Variants in HIVEP1 observed in about 807,000 individuals in gnomAD.
HIVEP1 encodes the protein zinc finger protein 40.
In HIVEP1, 36 loss-of-function variants were observed where a neutral mutation model predicts 180.0. That is an observed-to-expected ratio of 0.20 (90% CI 0.15 to 0.26). HIVEP1 has a LOEUF of 0.26. Among genes scored for constraint, HIVEP1 ranks in the 10% least tolerant of loss-of-function variants. The pLI, the probability that HIVEP1 is intolerant of heterozygous loss-of-function variation, is 1.00. For missense variants in HIVEP1, 3,143 were observed against 3,268.7 expected (o/e 0.96, Z 0.94); for synonymous variants, 1,239 against 1,239.0 (o/e 1.00, Z 0.00).
intron 2 of HIVEP1, among the ~76,000 whole-genome samples, chr6:12,039,463 C>G (rs923242561): frequency 3.9e-5 from 6 of 152,188 alleles, no homozygotes; most frequent in African/African-American, 1.4e-4. Context: ...TGTAGGAACC[C>G]TGCCTTAGGT....
rs558058549 is a variant in HIVEP1, at chr6:12,114,148, G to T, written c.95-5742G>T. On this transcript the variant is annotated intron_variant, in intron 3 of 8. Transcript: ENST00000379388. Reference sequence around the variant, plus strand: ...ACTTTACAGCCATATCCCCAGGAGAGCGCCTGTATTTGCGGGCCCTGCGCG... The same window carrying T: ...ACTTTACAGCCATATCCCCAGGAGATCGCCTGTATTTGCGGGCCCTGCGCG... 7.9e-5 allele frequency among the ~76,000 whole-genome samples: 12 copies of T among 152,190 alleles called. No individual in the cohort carries two copies. The East Asian group carries it at 1.9e-3, about 24-fold the overall frequency.
the HIVEP1 span, among the ~76,000 whole-genome samples, chr6:12,173,455 G>A: frequency 1.3e-5 from 2 of 152,110 alleles, no homozygotes; most frequent in Non-Finnish European, 2.9e-5. Flanking sequence ...GGAAATGAAG[G>A]CGTTTATACA....
At chr6:12,034,382 G>T (rs1769144782) in intron 2 of HIVEP1, among the ~76,000 whole-genome samples, 1 of 152,182 alleles carries the variant, frequency 6.6e-6, no homozygotes, top group Non-Finnish European at 1.5e-5. Context: ...ATTCTTTGCA[G>T]ATTGGATAAT....
In HIVEP1 at chr6:12,134,409, G is replaced by A. The variant is rs9462483; in HGVS notation, c.6386-1382G>A. 9.1e-3 allele frequency among the ~76,000 whole-genome samples: 1,388 copies of A among 152,250 alleles called. 24 individuals are homozygous for A. Among genetic ancestry groups the A allele is most frequent in the African/African-American group, 0.032 (1,312 of 41,530 alleles). On this transcript the variant is annotated intron_variant, in intron 6 of 8. Coordinates refer to ENST00000379388, the MANE Select transcript of HIVEP1 (RefSeq NM_002114.4). ...GGTCCTGCGTGGTTGGCTGAGACAA[G>A]AATGTACTATGTAGTGCAAGAATCA...
At chr6:12,143,751 C>T (rs527518378) in intron 7 of HIVEP1, among the ~76,000 whole-genome samples, 9 of 152,226 alleles carry the variant, frequency 5.9e-5, no homozygotes, top group Non-Finnish European at 7.4e-5. Context: ...AACAGACAAA[C>T]GGAGAGCCAA....
At position 12,012,541 on chromosome 6, in the gene HIVEP1, G is replaced by A. The variant is rs1188832908; in HGVS notation, c.-129G>A. The A allele has an allele frequency of 2.0e-5, 3 of 150,388 alleles. No individual in the cohort carries two copies. In the East Asian group the frequency reaches 5.8e-4, roughly 29 times the overall value. 9.3% of individuals were successfully genotyped at this position (150,388 alleles called of 1,614,324 possible). On this transcript the variant is annotated 5_prime_UTR_variant, in exon 1 of 9. Coordinates refer to ENST00000379388, the MANE Select transcript of HIVEP1 (RefSeq NM_002114.4). ...CTCCAGGGCCGGCTGCAGCGGCAGCGGCTCCGCCGGGCGTCCTGGCAGCAG... is the reference window on the plus strand; with the variant it reads ...CTCCAGGGCCGGCTGCAGCGGCAGCAGCTCCGCCGGGCGTCCTGGCAGCAG...
intron 3 of HIVEP1, among the ~76,000 whole-genome samples, chr6:12,089,557 G>T (rs1448365233): frequency 6.6e-6 from 1 of 151,804 alleles, no homozygotes; most frequent in Non-Finnish European, 1.5e-5. Flanking sequence ...ACAGTTGGCC[G>T]TGTCCATGCA....
At chr6:12,117,285 A>G (rs1775276569) in intron 3 of HIVEP1, among the ~76,000 whole-genome samples, 1 of 152,212 alleles carries the variant, frequency 6.6e-6, no homozygotes, top group African/African-American at 2.4e-5. Context: ...CTAAGTATAA[A>G]CAACGATACA....
chr6:12,009,199 G>T (rs1209449523), upstream of HIVEP1, among the ~76,000 whole-genome samples: 4 of 147,404 alleles, frequency 2.7e-5, no homozygotes, highest in East Asian at 7.8e-4. Flanking sequence ...GCGCCAGGGG[G>T]GTGCCTGAGC....
chr6:12,157,229 A>G (rs1461945835), intron 7 of HIVEP1, among the ~76,000 whole-genome samples: 3 of 152,180 alleles, frequency 2.0e-5, no homozygotes, highest in East Asian at 3.8e-4. Flanking sequence ...TTTCTTATAT[A>G]CAGTATATAC....
At chr6:12,155,943 G>T (rs1050208444) in intron 7 of HIVEP1, among the ~76,000 whole-genome samples, 3 of 152,032 alleles carry the variant, frequency 2.0e-5, no homozygotes, top group African/African-American at 7.2e-5. Flanking sequence ...AATAATAGCC[G>T]TTCTGACTGG....
At chr6:12,072,590 C>T (rs1309809665) in intron 2 of HIVEP1, among the ~76,000 whole-genome samples, 1 of 152,142 alleles carries the variant, frequency 6.6e-6, no homozygotes, top group Non-Finnish European at 1.5e-5. Flanking sequence ...TCTTCTGGAG[C>T]TTTCGTTGCA....
At chr6:12,081,130 T>G (rs1230616934) in intron 2 of HIVEP1, among the ~76,000 whole-genome samples, 2 of 152,162 alleles carry the variant, frequency 1.3e-5, no homozygotes, top group African/African-American at 4.8e-5. Flanking sequence ...CTCACTGAAT[T>G]TTCTGTCTTT....
Position 12,123,317 on chromosome 6 carries a change from A to C in HIVEP1, c.3522A>C (p.Leu1174=), listed in dbSNP as rs1757815970. Residue 1174 remains leucine, a synonymous_variant, in exon 4 of 9, where the codon CTA becomes CTC. Transcript: ENST00000379388. ...ATAGAACGGGGAAGTCCGGGTCTCT[A>C]AAAGTGATAGGAATCTCCCAAGAGG... ...ELNRTGKSGS[L]KVIGISQEES... is the part of the protein sequence containing the mutation. 6.2e-7 allele frequency: 1 copy of C among 1,614,154 alleles called. No individual in the cohort carries two copies.
At chr6:12,200,437 C>G in the HIVEP1 span, among the ~76,000 whole-genome samples, 1 of 152,256 alleles carries the variant, frequency 6.6e-6, no homozygotes, top group Admixed American at 6.5e-5. Flanking sequence ...TTCAATAAAG[C>G]TGTTTTCTTC....
intron 7 of HIVEP1, among the ~76,000 whole-genome samples, chr6:12,144,267 C>T (rs965782023): frequency 6.6e-6 from 1 of 152,090 alleles, no homozygotes; most frequent in African/African-American, 2.4e-5. Context: ...CTAACAAAAA[C>T]AAGAAAAGGG....
the HIVEP1 span, among the ~76,000 whole-genome samples, chr6:12,170,267 G>A: frequency 6.6e-6 from 1 of 152,054 alleles, no homozygotes; most frequent in African/African-American, 2.4e-5. Flanking sequence ...GAGTCCAGCA[G>A]GAGTGCGAAT....
the HIVEP1 span, among the ~76,000 whole-genome samples, chr6:12,172,483 C>A: frequency 0.012 from 1,843 of 151,906 alleles, 32 homozygotes; most frequent in African/African-American, 0.042. Flanking sequence ...TATTAAGACA[C>A]CTCAAATTAA....
chr6:12,048,042 G>C (rs1770251375), intron 2 of HIVEP1, among the ~76,000 whole-genome samples: 1 of 152,238 alleles, frequency 6.6e-6, no homozygotes, highest in African/African-American at 2.4e-5. Context: ...CCATTTTGCA[G>C]GTAGGATGCA....
Sources: allele counts gnomAD v4.1 joint callset (sites outside exome capture counted in the v4.1 genomes callset), GRCh38; gene constraint gnomAD v4.1.1; transcripts MANE v1.5; gene names NCBI Gene and HGNC (gene_info 2026-07-23, HGNC 2026-07-21).